Variants in ADAM32 observed in about 807,000 individuals in gnomAD.
ADAM32 encodes ADAM metallopeptidase domain 32.
In ADAM32, 89 loss-of-function variants were observed where a neutral mutation model predicts 114.9. The ratio of observed to expected loss-of-function variants is 0.77; its 90% CI spans 0.65 to 0.92. ADAM32 has a LOEUF of 0.92. ADAM32 is among the 40% of genes least tolerant of loss of function. ADAM32 has a pLI of 0.00. For missense variants in ADAM32, 870 were observed against 932.8 expected, an observed-to-expected ratio of 0.93 and a Z score of 0.88; for synonymous variants, 285 against 307.5, an observed-to-expected ratio of 0.93 and a Z score of 0.77.
chr8:39,235,919 A>G (rs1810104949), intron 16 of ADAM32, among the ~76,000 whole-genome samples: 2 of 152,210 alleles, frequency 1.3e-5, no homozygotes, highest in Admixed American at 6.5e-5. Flanking sequence ...CTGTGCTTTA[A>G]TGTTTAACAG....
intron 17 of ADAM32, among the ~76,000 whole-genome samples, chr8:39,254,019 G>A (rs1235845613): frequency 6.6e-6 from 1 of 151,594 alleles, no homozygotes; most frequent in Non-Finnish European, 1.5e-5. Context: ...GGATGTTACT[G>A]TCATAAAATA....
chr8:39,155,442 A>G (rs771490770), intron 6 of ADAM32, among the ~76,000 whole-genome samples: 2 of 152,246 alleles, frequency 1.3e-5, no homozygotes, highest in Non-Finnish European at 2.9e-5. Flanking sequence ...ATAGCATGAC[A>G]TTGAGAGAGG....
intron 19 of ADAM32, among the ~76,000 whole-genome samples, chr8:39,266,323 C>T (rs1034100426): frequency 2.6e-5 from 4 of 152,144 alleles, no homozygotes; most frequent in Admixed American, 6.5e-5. Flanking sequence ...TTGGTCTCTA[C>T]GTAATCACAT....
chr8:39,124,178 C>A (rs1281424036), intron 2 of ADAM32, among the ~76,000 whole-genome samples: 5 of 152,018 alleles, frequency 3.3e-5, no homozygotes, highest in African/African-American at 1.2e-4. Context: ...GCTCTCCCTC[C>A]CCCAGCTCTC....
intron 24 of ADAM32, among the ~76,000 whole-genome samples, 189 bp downstream of exon 24, chr8:39,283,813 G>C (rs1160264173): frequency 7.6e-6 from 1 of 132,220 alleles, no homozygotes; most frequent in Non-Finnish European, 1.5e-5. Flanking sequence ...TTGCTCTGTC[G>C]ACCAGGCTGG....
At chr8:39,283,507 G>A (rs1813572545) in intron 23 of ADAM32, 79 bp from the exon 24 acceptor site, 1 of 1,137,344 alleles carries the variant, frequency 8.8e-7, no homozygotes, top group South Asian at 1.8e-5. Flanking sequence ...GGAAGAAATT[G>A]CCATAACAAA....
chr8:39,185,559 C>A (rs1806183880), intron 10 of ADAM32, among the ~76,000 whole-genome samples: 1 of 152,184 alleles, frequency 6.6e-6, no homozygotes, highest in African/African-American at 2.4e-5. Flanking sequence ...TTTCACCATA[C>A]AGTATGCCAG....
At chr8:39,162,003 TA>T (rs1564510869) in intron 7 of ADAM32, among the ~76,000 whole-genome samples, 82 of 656 alleles carry the variant, frequency 0.12, 1 homozygote, top group Admixed American at 0.25. Context: ...TTTTATTTTA[TA>T]TATATATATA....
chr8:39,197,442 G>A (rs557072509), intron 11 of ADAM32, among the ~76,000 whole-genome samples: 15 of 151,400 alleles, frequency 9.9e-5, no homozygotes, highest in Non-Finnish European at 1.9e-4. Context: ...CTACTTTTTT[G>A]ATGACATTTA....
At chr8:39,121,826 G>C (rs576045398) in intron 2 of ADAM32, among the ~76,000 whole-genome samples, 1 of 152,302 alleles carries the variant, frequency 6.6e-6, no homozygotes, top group African/African-American at 2.4e-5. Flanking sequence ...AGGGGATGGG[G>C]CCAGTCCCTA....
chr8:39,151,921 C>T (rs1288319274), intron 6 of ADAM32, among the ~76,000 whole-genome samples: 1 of 151,990 alleles, frequency 6.6e-6, no homozygotes, highest in Non-Finnish European at 1.5e-5. Context: ...CCTCAATCTC[C>T]CAAAATGTTG....
chr8:39,153,415 G>A (rs1217979380), intron 6 of ADAM32, among the ~76,000 whole-genome samples: 1 of 152,196 alleles, frequency 6.6e-6, no homozygotes, highest in Non-Finnish European at 1.5e-5. Flanking sequence ...GGGACACCAT[G>A]TCTTTGTTTA....
chr8:39,187,159 C>A, intron 11 of ADAM32, 114 bp downstream of exon 11: 2 of 832,644 alleles, frequency 2.4e-6, no homozygotes, highest in South Asian at 2.3e-5. Context: ...CCAAATTCAC[C>A]AAGTATAAAC....
chr8:39,182,987 A>T (rs1805998370), intron 10 of ADAM32, among the ~76,000 whole-genome samples: 1 of 152,170 alleles, frequency 6.6e-6, no homozygotes, highest in Admixed American at 6.5e-5. Context: ...CAAATGGTAT[A>T]GTTGGCTGTG....
chr8:39,192,680 C>G (rs1806685380), intron 11 of ADAM32, among the ~76,000 whole-genome samples: 1 of 152,176 alleles, frequency 6.6e-6, no homozygotes, highest in African/African-American at 2.4e-5. Context: ...TTTAGTGCTT[C>G]TCTCAGGAGC....
At chr8:39,244,732 G>C (rs778625789) in intron 16 of ADAM32, among the ~76,000 whole-genome samples, 15 of 152,112 alleles carry the variant, frequency 9.9e-5, no homozygotes, top group South Asian at 2.1e-4. Context: ...GATAGCATTA[G>C]GATATATACC....
In ADAM32 at chr8:39,211,318, T is replaced by C; in HGVS notation, c.1227T>C (p.Thr409=). 6.5e-7 allele frequency: 1 copy of C among 1,529,398 alleles called. No homozygotes were observed. Among genetic ancestry groups the C allele is most frequent in the South Asian group, 1.3e-5 (1 of 76,634 alleles). The allele number at this position is 1,529,398 out of a possible 1,614,324, so 94.7% of individuals were successfully genotyped here. ...GAAATGAAATCTGTGATTGTGGTAC[T>C]GAGGCTGTAAGTATGATAACTAGGA... is the stretch of plus-strand genomic sequence containing the variant. ...LEGNEICDCG[T]EAQCGPASCC... Residue 409 remains threonine (T), a synonymous_variant, in exon 12 of 25, where the codon ACT becomes ACC. Coordinates refer to ENST00000379907, the MANE Select transcript of ADAM32 (RefSeq NM_145004.7).
At chr8:39,216,429 C>T (rs747553485) in intron 12 of ADAM32, among the ~76,000 whole-genome samples, 6 of 151,818 alleles carry the variant, frequency 4.0e-5, no homozygotes, top group Non-Finnish European at 8.8e-5. Context: ...TAAGAACTTC[C>T]TCCTGCCCTT....
intron 12 of ADAM32, among the ~76,000 whole-genome samples, chr8:39,217,445 C>A (rs184700457): frequency 6.6e-6 from 1 of 152,180 alleles, no homozygotes; most frequent in Admixed American, 6.5e-5. Flanking sequence ...TTGAAAAAAG[C>A]TTTCTACCCC....
Sources: gnomAD v4.1 joint callset for allele counts (sites outside exome capture counted in the v4.1 genomes callset) on GRCh38, gnomAD v4.1.1 for gene constraint, MANE v1.5 for transcripts, NCBI Gene and HGNC (gene_info 2026-07-23, HGNC 2026-07-21) for gene names.